Variants in CDH13 observed in about 807,000 individuals in gnomAD.
The protein encoded by CDH13 is cadherin-13.
CDH13 carries 24 observed loss-of-function variants against 63.8 expected under a neutral mutation model. That is an observed-to-expected ratio of 0.38 (90% CI 0.27 to 0.53). CDH13 has a LOEUF of 0.53. Among genes scored for constraint, CDH13 ranks in the 20% least tolerant of loss-of-function variants. The probability of loss-of-function intolerance (pLI) is 0.85; values close to 1 mark genes in which losing one functional copy is unlikely to be tolerated. For synonymous variants in CDH13, 503 were observed against 355.3 expected (o/e 1.42, Z -4.67); for missense variants, 1,049 against 903.1 (o/e 1.16, Z -2.07).
intron 7 of CDH13, among the ~76,000 whole-genome samples, chr16:83,581,729 G>A (rs2150722750): frequency 6.6e-6 from 1 of 152,268 alleles, no homozygotes; most frequent in Non-Finnish European, 1.5e-5. Context: ...TGAGGTGGGA[G>A]GATCACTTGA....
intron 5 of CDH13, among the ~76,000 whole-genome samples, chr16:83,270,087 A>G (rs974093593): frequency 1.3e-5 from 2 of 152,212 alleles, no homozygotes; most frequent in Non-Finnish European, 2.9e-5. Flanking sequence ...TTACTGAAGT[A>G]GTATTGAGAA....
At chr16:83,043,323 GC>G (rs1917486627) in intron 3 of CDH13, among the ~76,000 whole-genome samples, 1 of 152,018 alleles carries the variant, frequency 6.6e-6, no homozygotes, top group Non-Finnish European at 1.5e-5. Flanking sequence ...ACTAAAAATG[GC>G]TTCTTTTTGG....
chr16:83,160,345 T>A (rs890318594), intron 4 of CDH13, among the ~76,000 whole-genome samples: 1 of 151,924 alleles, frequency 6.6e-6, no homozygotes, highest in African/African-American at 2.4e-5. Flanking sequence ...CTGAAACTGC[T>A]CTTAAAAAAA....
At chr16:82,701,564 T>C (rs2031022913) in intron 1 of CDH13, among the ~76,000 whole-genome samples, 1 of 152,194 alleles carries the variant, frequency 6.6e-6, no homozygotes, top group African/African-American at 2.4e-5. Context: ...CTTAGACTTG[T>C]CATCAGGAAT....
In CDH13 at chr16:82,945,446, C is replaced by T. The variant is rs375439503; in HGVS notation, c.158-86564C>T. ...TGTTTCCTAGGCCACTGACTGAAAC[C>T]GAGAGCTTTCCCTTACAGGGTGCTA... On this transcript the variant is annotated intron_variant, in intron 2 of 13. Coordinates refer to ENST00000567109, the MANE Select transcript of CDH13 (RefSeq NM_001257.5). 7.8e-4 allele frequency among the ~76,000 whole-genome samples: 119 copies of T among 152,240 alleles called. 3 individuals carry two copies. In the South Asian group the frequency reaches 0.023, roughly 29 times the overall value.
intron 9 of CDH13, among the ~76,000 whole-genome samples, chr16:83,673,250 G>A (rs1379418475): frequency 2.6e-5 from 4 of 152,030 alleles, no homozygotes; most frequent in Non-Finnish European, 2.9e-5. Context: ...TTAATATTAC[G>A]TAGTACATAC....
intron 7 of CDH13, among the ~76,000 whole-genome samples, chr16:83,492,308 C>T (rs1236147802): frequency 1.3e-5 from 2 of 152,142 alleles, no homozygotes; most frequent in African/African-American, 2.4e-5. Context: ...TGATTTAATG[C>T]TAATACTTTT....
chr16:83,157,076 C>T lies in CDH13; in HGVS notation c.483+31575C>T, dbSNP rs537853722. ...ACTCCAATGACGTCAGGCCACTGTA[C>T]TTTCAAAATGCTGTTCTCAGTCAGG... is the stretch of plus-strand genomic sequence containing the variant. On this transcript the variant is annotated intron_variant, in intron 4 of 13. Transcript: ENST00000567109. Among the ~76,000 whole-genome samples the T allele has an allele frequency of 5.1e-4, 77 of 152,202 alleles. 1 individual carries two copies. The highest frequency in any genetic ancestry group is 9.0e-4 in the Non-Finnish European group (61 of 68,040).
At chr16:82,866,116 AC>A (rs2040128692) in intron 2 of CDH13, among the ~76,000 whole-genome samples, 2 of 151,912 alleles carry the variant, frequency 1.3e-5, no homozygotes, top group Admixed American at 1.3e-4. Context: ...GTTCCTCATC[AC>A]CCTCTGAGAC....
At chr16:83,603,374 C>G (rs1908030311) in intron 8 of CDH13, among the ~76,000 whole-genome samples, 1 of 152,196 alleles carries the variant, frequency 6.6e-6, no homozygotes, top group Middle Eastern at 3.2e-3. Flanking sequence ...CTGTATCTAC[C>G]ATGGTGTCTC....
chr16:83,010,704 T>G (rs1209583737), intron 2 of CDH13, among the ~76,000 whole-genome samples: 1 of 152,206 alleles, frequency 6.6e-6, no homozygotes, highest in East Asian at 1.9e-4. Flanking sequence ...AGAGCCCTAC[T>G]GAATCAAAAG....
chr16:83,021,310 T>C (rs1373222337), intron 2 of CDH13, among the ~76,000 whole-genome samples: 8 of 152,222 alleles, frequency 5.3e-5, no homozygotes, highest in South Asian at 4.1e-4. Context: ...CTGTGCTATA[T>C]ATAAAGTAAT....
intron 4 of CDH13, among the ~76,000 whole-genome samples, chr16:83,199,578 C>G (rs1056590383): frequency 6.6e-6 from 1 of 152,196 alleles, no homozygotes; most frequent in African/African-American, 2.4e-5. Flanking sequence ...CTGCACAAGG[C>G]CTCAGTGAAT....
At chr16:82,847,814 A>T (rs530731191) in intron 1 of CDH13, among the ~76,000 whole-genome samples, 53 of 152,082 alleles carry the variant, frequency 3.5e-4, no homozygotes, top group Admixed American at 1.4e-3. Flanking sequence ...AGAAATCACC[A>T]CACAGCCAGA....
At chr16:83,097,393 T>C (rs2034259516) in intron 3 of CDH13, among the ~76,000 whole-genome samples, 1 of 152,204 alleles carries the variant, frequency 6.6e-6, no homozygotes. Flanking sequence ...ATAACACTAG[T>C]CTTCTATTTT....
chr16:82,707,256 T>C (rs1455313025), intron 1 of CDH13, among the ~76,000 whole-genome samples: 1 of 152,250 alleles, frequency 6.6e-6, no homozygotes, highest in African/African-American at 2.4e-5. Context: ...AGGCTATGTA[T>C]ACAAAGCCAG....
At chr16:83,581,722 G>A (rs1356274041) in intron 7 of CDH13, among the ~76,000 whole-genome samples, 1 of 152,180 alleles carries the variant, frequency 6.6e-6, no homozygotes, top group Non-Finnish European at 1.5e-5. Context: ...GGGAGACTGA[G>A]GTGGGAGGAT....
At chr16:82,849,032 A>G (rs971625945) in intron 1 of CDH13, among the ~76,000 whole-genome samples, 2 of 152,192 alleles carry the variant, frequency 1.3e-5, no homozygotes, top group African/African-American at 2.4e-5. Flanking sequence ...AGTGGTCTGA[A>G]TAGATGATCA....
chr16:82,836,971 G>A (rs189497505), intron 1 of CDH13, among the ~76,000 whole-genome samples: 230 of 152,276 alleles, frequency 1.5e-3, no homozygotes, highest in Middle Eastern at 3.4e-3. Context: ...TATAACAAAG[G>A]CTCAAATTCA....
Sources: allele counts gnomAD v4.1 joint callset (sites outside exome capture counted in the v4.1 genomes callset), GRCh38; gene constraint gnomAD v4.1.1; transcripts MANE v1.5; gene names NCBI Gene and HGNC (gene_info 2026-07-23, HGNC 2026-07-21).